The following SIMC1 variants were observed in gnomAD, a reference collection of about 807,000 sequenced individuals.
The protein encoded by SIMC1 is SUMO interacting motifs containing 1.
Under a neutral mutation model 82.3 loss-of-function variants are expected in SIMC1, and 55 were observed. The ratio of observed to expected loss-of-function variants is 0.67; its 90% confidence interval spans 0.54 to 0.84. The LOEUF is 0.84. SIMC1 is among the 40% of genes least tolerant of loss of function. The probability of loss-of-function intolerance (pLI) is 0.00; values close to 1 mark genes in which losing one functional copy is unlikely to be tolerated. For synonymous variants in SIMC1, 353 were observed against 426.3 expected, an observed-to-expected ratio of 0.83 and a Z score of 2.12; for missense variants, 915 against 1,107.2, an observed-to-expected ratio of 0.83 and a Z score of 2.46.
intron 1 of SIMC1, among the ~76,000 whole-genome samples, chr5:176,279,750 G>A (rs1762894790): frequency 6.6e-6 from 1 of 151,424 alleles, no homozygotes; most frequent in Non-Finnish European, 1.5e-5. Context: ...TCATTCAGGA[G>A]CAGGTTGTTC....
intron 1 of SIMC1, among the ~76,000 whole-genome samples, chr5:176,280,561 G>A: frequency 6.6e-6 from 1 of 151,942 alleles, no homozygotes; most frequent in Admixed American, 6.6e-5. Flanking sequence ...CATGATTTTG[G>A]AGCGGCTGGT....
At chr5:176,305,677 C>T (rs1234736975) in intron 4 of SIMC1, among the ~76,000 whole-genome samples, 1 of 117,324 alleles carries the variant, frequency 8.5e-6, no homozygotes, top group African/African-American at 3.5e-5. Flanking sequence ...GCCCCTCTGC[C>T]CGGCCAGCCG....
At chr5:176,245,131 T>C (rs1020946823) in intron 1 of SIMC1, among the ~76,000 whole-genome samples, 1 of 152,214 alleles carries the variant, frequency 6.6e-6, no homozygotes, top group African/African-American at 2.4e-5. Flanking sequence ...TACCTCAGAT[T>C]GTGACCTTAT....
chr5:176,333,979 A>G (rs902845091), intron 7 of SIMC1, among the ~76,000 whole-genome samples: 17 of 150,690 alleles, frequency 1.1e-4, no homozygotes, highest in African/African-American at 3.9e-4. Flanking sequence ...TAGAGTTAAC[A>G]TTTGGTTCCT....
chr5:176,302,731 C>T (rs141435029), intron 4 of SIMC1, among the ~76,000 whole-genome samples: 5 of 151,572 alleles, frequency 3.3e-5, no homozygotes, highest in African/African-American at 9.7e-5. Flanking sequence ...AAAACCAGCT[C>T]ACAAAACTCA....
intron 5 of SIMC1, among the ~76,000 whole-genome samples, chr5:176,321,069 C>A (rs1765136012): frequency 6.6e-6 from 1 of 152,154 alleles, no homozygotes; most frequent in African/African-American, 2.4e-5. Flanking sequence ...CACCTTGCAC[C>A]CAGGTGATCA....
At chr5:176,246,748 A>G (rs528498003) in intron 1 of SIMC1, among the ~76,000 whole-genome samples, 2 of 151,608 alleles carry the variant, frequency 1.3e-5, no homozygotes, top group African/African-American at 2.4e-5. Flanking sequence ...TCCTAATGCA[A>G]TCCCTCCCCT....
At chr5:176,264,675 T>A (rs928007679) in intron 1 of SIMC1, among the ~76,000 whole-genome samples, 2 of 151,726 alleles carry the variant, frequency 1.3e-5, no homozygotes, top group African/African-American at 2.4e-5. Context: ...TGCTTGTTCC[T>A]TCCCTACCAC....
At chr5:176,258,191 A>G (rs1486554239) in intron 1 of SIMC1, among the ~76,000 whole-genome samples, 1 of 152,220 alleles carries the variant, frequency 6.6e-6, no homozygotes, top group Non-Finnish European at 1.5e-5. Context: ...AGGGTTAAAC[A>G]TATCAATCAT....
chr5:176,252,540 T>G (rs1761708919), intron 1 of SIMC1, among the ~76,000 whole-genome samples: 1 of 129,908 alleles, frequency 7.7e-6, no homozygotes, highest in South Asian at 2.6e-4. Flanking sequence ...TCTCAGACGA[T>G]GGGCGGCCGG....
At chr5:176,295,993 G>A (rs1763798951) in intron 3 of SIMC1, 5 of 576,314 alleles carry the variant, frequency 8.7e-6, no homozygotes, top group Non-Finnish European at 9.0e-6. Context: ...AAACTAGTTG[G>A]TTAAGAGTAG....
rs531942095 is a variant in SIMC1, at chr5:176,290,806, G to A, written c.1282G>A (p.Ala428Thr). ...AAAAGAAATATCACTGTCAGAGCCT[G>A]CCAAACCTGGGTCTGCCCACGTACA... ...ARKEISLSEP[A>T]KPGSAHVQSR... Residue 428 changes from alanine (A) to threonine (T), a missense_variant, in exon 2 of 10, where the codon GCC becomes ACC. By Grantham distance (58) the Ala-to-Thr change is moderately conservative (BLOSUM62 0). This residue lies in a region of SIMC1 where 902 missense variants were observed against 1,040.3 expected (regional missense o/e 0.87). Coordinates refer to ENST00000429602, the MANE Select transcript of SIMC1 (RefSeq NM_001308195.2). The A allele has an allele frequency of 1.6e-5, 26 of 1,613,626 alleles. 1 individual carries two copies. The African/African-American group carries it at 2.0e-4, about 12-fold the overall frequency.
chr5:176,314,688 A>G (rs1028537353), intron 5 of SIMC1, among the ~76,000 whole-genome samples: 1 of 152,110 alleles, frequency 6.6e-6, no homozygotes, highest in South Asian at 2.1e-4. Context: ...GCGGGGGAAA[A>G]TATGATCTTT....
chr5:176,289,556 T>G, intron 1 of SIMC1, 98 bp from the exon 2 acceptor site: 1 of 943,514 alleles, frequency 1.1e-6, no homozygotes, highest in Non-Finnish European at 1.6e-6. Flanking sequence ...GGTGAAATGG[T>G]AAAGTAATGC....
chr5:176,339,475 C>T (rs543228907), intron 9 of SIMC1, among the ~76,000 whole-genome samples: 5 of 152,230 alleles, frequency 3.3e-5, no homozygotes, highest in African/African-American at 9.6e-5. Context: ...AACAAAGACC[C>T]GAAGGCAAGT....
intron 1 of SIMC1, among the ~76,000 whole-genome samples, chr5:176,247,259 T>C (rs571415895): frequency 6.6e-6 from 1 of 152,174 alleles, no homozygotes; most frequent in African/African-American, 2.4e-5. Flanking sequence ...CCACATCCTC[T>C]CCAGCATCTG....
chr5:176,283,361 G>T (rs1763104927), intron 1 of SIMC1, among the ~76,000 whole-genome samples: 1 of 152,198 alleles, frequency 6.6e-6, no homozygotes, highest in African/African-American at 2.4e-5. Context: ...GAGAGTGGGG[G>T]CCAGTATTCA....
intron 6 of SIMC1, among the ~76,000 whole-genome samples, chr5:176,323,987 C>CAA (rs754656711): frequency 5.2e-5 from 5 of 96,926 alleles, no homozygotes; most frequent in Admixed American, 1.1e-4. Flanking sequence ...GACTCCATCT[C>CAA]AAAAAAAAAA....
chr5:176,317,563 C>T (rs1764971820), intron 5 of SIMC1, among the ~76,000 whole-genome samples: 1 of 152,108 alleles, frequency 6.6e-6, no homozygotes, highest in East Asian at 1.9e-4. Flanking sequence ...TCTTTTTCCT[C>T]CCCACATTCC....
Sources: gnomAD v4.1 joint callset for allele counts (sites outside exome capture counted in the v4.1 genomes callset) on GRCh38, gnomAD v4.1.1 for gene constraint, gnomAD v4.1.1 regional missense constraint, MANE v1.5 for transcripts, NCBI Gene and HGNC (gene_info 2026-07-23, HGNC 2026-07-21) for gene names.